Variants in SMOC1 observed in about 807,000 individuals in gnomAD.
SMOC1 encodes the protein SPARC related modular calcium binding 1.
In SMOC1, 22 loss-of-function variants were observed where a neutral mutation model predicts 56.3. The ratio of observed to expected loss-of-function variants is 0.39; its 90% confidence interval spans 0.28 to 0.56. The LOEUF (loss-of-function observed/expected upper bound fraction) is 0.56, where lower values mean the gene tolerates loss of function less well. Among genes scored for constraint, SMOC1 ranks in the 20% least tolerant of loss-of-function variants. SMOC1 has a pLI of 0.61. For missense variants in SMOC1, 509 were observed against 565.4 expected (o/e 0.90, Z 1.01); for synonymous variants, 193 against 215.0 (o/e 0.90, Z 0.89).
intron 11 of SMOC1, among the ~76,000 whole-genome samples, chr14:70,025,632 A>C (rs1885898079): frequency 6.6e-6 from 1 of 152,170 alleles, no homozygotes; most frequent in African/African-American, 2.4e-5. Context: ...AGTGTTTGGA[A>C]CTTTTTCAGA....
At chr14:69,949,204 A>G (rs938825554) in intron 1 of SMOC1, among the ~76,000 whole-genome samples, 2 of 152,106 alleles carry the variant, frequency 1.3e-5, no homozygotes, top group African/African-American at 4.8e-5. Context: ...CAGAAGTGGG[A>G]TGGGAGAACA....
At chr14:69,886,042 C>G in intron 1 of SMOC1, 1 of 1,586,278 alleles carries the variant, frequency 6.3e-7, no homozygotes, top group Non-Finnish European at 8.6e-7. Context: ...TAGGCCTTTT[C>G]TCAAACAGGG....
chr14:70,002,324 G>C (rs1884998156), intron 7 of SMOC1, among the ~76,000 whole-genome samples: 1 of 152,204 alleles, frequency 6.6e-6, no homozygotes, highest in Non-Finnish European at 1.5e-5. Context: ...ACAGAAGTGT[G>C]ACTTTAATTC....
At chr14:69,895,331 CAAG>C (rs1566663957) in intron 1 of SMOC1, among the ~76,000 whole-genome samples, 1 of 152,184 alleles carries the variant, frequency 6.6e-6, no homozygotes, top group Non-Finnish European at 1.5e-5. Context: ...GCTGATAGAA[CAAG>C]TAGCCAGCGA....
chr14:70,028,289 C>T (rs369009207), intron 11 of SMOC1, among the ~76,000 whole-genome samples: 4 of 152,096 alleles, frequency 2.6e-5, no homozygotes, highest in Non-Finnish European at 1.5e-5. Context: ...CAGAACTATC[C>T]GCTCTTCTTT....
chr14:69,969,003 A>G (rs1030838815), intron 3 of SMOC1, among the ~76,000 whole-genome samples: 4 of 152,246 alleles, frequency 2.6e-5, no homozygotes, highest in Admixed American at 1.3e-4. Flanking sequence ...TAGCAAATAC[A>G]TAGCTTGACA....
At chr14:69,949,090 C>T (rs1882899716) in intron 1 of SMOC1, among the ~76,000 whole-genome samples, 1 of 152,210 alleles carries the variant, frequency 6.6e-6, no homozygotes, top group Non-Finnish European at 1.5e-5. Context: ...CAGCCCTGCC[C>T]TCCAGGGAGG....
At chr14:69,956,413 T>G (rs896695980) in intron 3 of SMOC1, among the ~76,000 whole-genome samples, 1 of 151,876 alleles carries the variant, frequency 6.6e-6, no homozygotes, top group Non-Finnish European at 1.5e-5. Flanking sequence ...AGATGAATGC[T>G]TTCTCCTTTC....
Position 69,964,771 on chromosome 14 carries a change from C to A in SMOC1, c.379-10944C>A, listed in dbSNP as rs754456040. 5.0e-4 allele frequency among the ~76,000 whole-genome samples: 76 copies of A among 152,286 alleles called. 1 individual carries two copies. The highest frequency in any genetic ancestry group is 1.4e-3 in the Admixed American group (21 of 15,296). On this transcript the variant is annotated intron_variant, in intron 3 of 11. Transcript: ENST00000361956. ...CCTGACACATGTTAAGTTATTCAGTCCTCACTATAAGCACTGTTACATTCC... is the reference window on the plus strand; with the variant it reads ...CCTGACACATGTTAAGTTATTCAGTACTCACTATAAGCACTGTTACATTCC...
chr14:70,021,871 A>G (rs762078), intron 10 of SMOC1, among the ~76,000 whole-genome samples: 2,365 of 152,242 alleles, frequency 0.016, 58 homozygotes, highest in African/African-American at 0.054. Flanking sequence ...GGGTGGCATG[A>G]CAAGTGCCTT....
intron 3 of SMOC1, among the ~76,000 whole-genome samples, chr14:69,962,590 T>A (rs1221615293): frequency 6.6e-6 from 1 of 152,060 alleles, no homozygotes; most frequent in East Asian, 1.9e-4. Context: ...CTTTTCTTTT[T>A]TTTTGAGAGA....
rs187644405 is a variant in SMOC1 at position 69,949,516 on chromosome 14, C to A, written c.100-2622C>A. On this transcript the variant is annotated intron_variant, in intron 1 of 11. Transcript: ENST00000361956. The stretch of plus-strand genomic sequence containing the variant: ...AATCATGCAAATGAATTCTTCATTA[C>A]AAACTGTGTGAAGAGCCATGAAGGA... 7.2e-4 allele frequency among the ~76,000 whole-genome samples: 110 copies of A among 152,262 alleles called. 1 individual carries two copies. The highest frequency in any genetic ancestry group is 2.5e-3 in the African/African-American group (104 of 41,534).
chr14:70,002,766 G>GTTC (rs1885013498), intron 7 of SMOC1, among the ~76,000 whole-genome samples: 1 of 152,194 alleles, frequency 6.6e-6, no homozygotes, highest in South Asian at 2.1e-4. Flanking sequence ...AAAATAACCT[G>GTTC]TTCACATAGT....
rs529021644 is a variant in SMOC1, at chr14:69,975,820, G to A, written c.478+6G>A. On this transcript the variant is annotated splice_donor_region_variant and intron_variant, in intron 4 of 11. Coordinates refer to ENST00000361956, the MANE Select transcript of SMOC1 (RefSeq NM_001034852.3). ...TAAAACTCCTGTATGTTCAGGTACC[G>A]TAGGGAGGGGCGGGAAGAATGAAAA... 68 of 1,601,122 alleles carry A rather than the reference G, an allele frequency of 4.2e-5. No homozygotes were observed. Among genetic ancestry groups the A allele is most frequent in the Middle Eastern group, 2.2e-4 (1 of 4,574 alleles).
chr14:69,913,467 T>C (rs1884607878), intron 1 of SMOC1, among the ~76,000 whole-genome samples: 1 of 152,016 alleles, frequency 6.6e-6, no homozygotes, highest in Admixed American at 6.6e-5. Context: ...TGTGTGTGTG[T>C]GTGTGCGTGT....
chr14:69,918,099 A>G (rs548308149), intron 1 of SMOC1, among the ~76,000 whole-genome samples: 19 of 152,208 alleles, frequency 1.2e-4, no homozygotes, highest in Non-Finnish European at 2.4e-4. Flanking sequence ...ATCATCTCAC[A>G]TGCTATCATC....
chr14:69,953,541 T>C lies in SMOC1; in HGVS notation c.378+9T>C. On this transcript the variant is annotated intron_variant, in intron 3 of 11. Coordinates refer to ENST00000361956, the MANE Select transcript of SMOC1 (RefSeq NM_001034852.3). ...ATGGCTCCTTTACCCAGGTGAGGCCTCGGACAATCCTCTTGGGCTCTTTCC... is the reference window on the plus strand; with the variant it reads ...ATGGCTCCTTTACCCAGGTGAGGCCCCGGACAATCCTCTTGGGCTCTTTCC... 1.9e-6 allele frequency: 3 copies of C among 1,610,224 alleles called. No homozygotes were observed. The highest frequency in any genetic ancestry group is 2.6e-6 in the Non-Finnish European group (3 of 1,176,406).
At chr14:69,997,791 T>G (rs1356907588) in intron 7 of SMOC1, among the ~76,000 whole-genome samples, 2 of 152,220 alleles carry the variant, frequency 1.3e-5, no homozygotes, top group African/African-American at 4.8e-5. Context: ...TGGAGCCTTT[T>G]GGCCAAACAC....
At chr14:70,024,644 C>T (rs1233148722) in intron 11 of SMOC1, among the ~76,000 whole-genome samples, 1 of 151,810 alleles carries the variant, frequency 6.6e-6, no homozygotes, top group Non-Finnish European at 1.5e-5. Flanking sequence ...GCTCTGGAGG[C>T]AAGGAAACAG....
Sources: gnomAD v4.1 joint callset for allele counts (sites outside exome capture counted in the v4.1 genomes callset) on GRCh38, gnomAD v4.1.1 for gene constraint, MANE v1.5 for transcripts, NCBI Gene and HGNC (gene_info 2026-07-23, HGNC 2026-07-21) for gene names.